Variants in ENPP6 observed in about 807,000 individuals in gnomAD.
ENPP6 encodes glycerophosphocholine cholinephosphodiesterase ENPP6.
In ENPP6, 32 loss-of-function variants were observed where a neutral mutation model predicts 42.0. The ratio of observed to expected loss-of-function variants is 0.76; its 90% CI spans 0.58 to 1.02. The LOEUF is 1.02. Ranked by LOEUF, ENPP6 falls within the 50% of genes least tolerant of loss-of-function variation. ENPP6 has a pLI of 0.00. For synonymous variants in ENPP6, 213 were observed against 216.0 expected (o/e 0.99, Z 0.12); for missense variants, 552 against 566.8 (o/e 0.97, Z 0.27).
At chr4:184,206,256 T>C (rs1452295381) in intron 1 of ENPP6, among the ~76,000 whole-genome samples, 4 of 138,720 alleles carry the variant, frequency 2.9e-5, no homozygotes, top group Non-Finnish European at 3.1e-5. Flanking sequence ...CTTGAATTTT[T>C]TTTTTTTTTT....
chr4:184,165,363 G>A (rs1033773816), intron 1 of ENPP6, among the ~76,000 whole-genome samples: 25 of 152,260 alleles, frequency 1.6e-4, no homozygotes, highest in African/African-American at 5.5e-4. Flanking sequence ...GGCTGGAGCC[G>A]CACAGCTAGG....
rs548792750 is a variant in ENPP6, at chr4:184,214,881, T to C, written c.241+2698A>G. Among the ~76,000 whole-genome samples the C allele has an allele frequency of 4.6e-5, 7 of 152,266 alleles. No homozygotes were observed. The South Asian group carries it at 8.3e-4, about 18-fold the overall frequency. On this transcript the variant is annotated intron_variant, in intron 1 of 7. Transcript: ENST00000296741. Reference sequence around the variant, plus strand: ...AGCATTAGGACAAATACCTAACGCATGCAGGGCTTAAAATCTAGATGACGA... The same window carrying C: ...AGCATTAGGACAAATACCTAACGCACGCAGGGCTTAAAATCTAGATGACGA...
At chr4:184,118,478 C>T (rs1052569915) in intron 3 of ENPP6, among the ~76,000 whole-genome samples, 3 of 152,220 alleles carry the variant, frequency 2.0e-5, no homozygotes, top group African/African-American at 7.2e-5. Context: ...CACAAACCTC[C>T]ACATCATCCA....
intron 1 of ENPP6, among the ~76,000 whole-genome samples, chr4:184,175,706 T>G (rs926950913): frequency 1.3e-5 from 2 of 151,924 alleles, no homozygotes; most frequent in African/African-American, 2.4e-5. Context: ...GAAACAGGAG[T>G]CCCACTTACA....
intron 2 of ENPP6, among the ~76,000 whole-genome samples, chr4:184,144,434 C>T (rs541847961): frequency 3.3e-4 from 50 of 152,288 alleles, no homozygotes; most frequent in African/African-American, 9.9e-4. Context: ...CAGCCCCAAA[C>T]GGCAGCCCCG....
intron 2 of ENPP6, among the ~76,000 whole-genome samples, chr4:184,127,931 A>C (rs1736532177): frequency 6.6e-6 from 1 of 152,156 alleles, no homozygotes; most frequent in African/African-American, 2.4e-5. Flanking sequence ...AAGGAAGAGA[A>C]AGCATTTTCA....
At chr4:184,183,648 T>C (rs1159199364) in intron 1 of ENPP6, among the ~76,000 whole-genome samples, 1 of 152,208 alleles carries the variant, frequency 6.6e-6, no homozygotes, top group Non-Finnish European at 1.5e-5. Flanking sequence ...TCAATTTAAG[T>C]CCCCAAGCTT....
intron 1 of ENPP6, among the ~76,000 whole-genome samples, chr4:184,156,164 C>A (rs918615502): frequency 6.6e-6 from 1 of 152,138 alleles, no homozygotes; most frequent in African/African-American, 2.4e-5. Flanking sequence ...GTGGATTGGG[C>A]CCTGAGCTGA....
intron 1 of ENPP6, among the ~76,000 whole-genome samples, chr4:184,169,361 G>A (rs1227817744): frequency 1.3e-5 from 2 of 152,124 alleles, no homozygotes; most frequent in Non-Finnish European, 2.9e-5. Context: ...GTCCCCATGT[G>A]AAGACATGGC....
rs146396866 is a variant in ENPP6, at chr4:184,149,835, G to C, written c.421+3719C>G. Among the ~76,000 whole-genome samples, 943 of 152,230 alleles carry C rather than the reference G, an allele frequency of 6.2e-3. 14 individuals are homozygous for C. Among genetic ancestry groups the C allele is most frequent in the South Asian group, 0.062 (296 of 4,812 alleles). On this transcript the variant is annotated intron_variant, in intron 2 of 7. Transcript: ENST00000296741. ...GGCCCTGCTTATCCAAAGAAATCAA[G>C]CTGCATTTCTACACCATATCTTACT...
At chr4:184,205,278 G>C (rs973435783) in intron 1 of ENPP6, among the ~76,000 whole-genome samples, 5 of 152,204 alleles carry the variant, frequency 3.3e-5, no homozygotes, top group African/African-American at 1.2e-4. Context: ...AAATAATCTG[G>C]TGCCGTGATG....
intron 3 of ENPP6, among the ~76,000 whole-genome samples, chr4:184,119,727 GC>G (rs1736383524): frequency 6.6e-6 from 1 of 152,142 alleles, no homozygotes; most frequent in African/African-American, 2.4e-5. Context: ...GGTGATTGGA[GC>G]ATGGGGGCTA....
chr4:184,161,684 T>C (rs1310370668), intron 1 of ENPP6, among the ~76,000 whole-genome samples: 1 of 152,080 alleles, frequency 6.6e-6, no homozygotes, highest in Non-Finnish European at 1.5e-5. Context: ...ATATATACCA[T>C]GGAATACTAC....
Position 184,117,755 on chromosome 4 carries a change from T to C in ENPP6, c.675+4A>G. 2 of 1,613,096 alleles carry C rather than the reference T, an allele frequency of 1.2e-6. No homozygotes were observed. The highest frequency in any genetic ancestry group is 1.1e-5 in the South Asian group (1 of 91,048). Reference sequence around the variant, plus strand: ...CCAGGCCACGTGTCTTTGCTTCAGGTCACCTGGATCCACTTGGTCATGTAC... The same window carrying C: ...CCAGGCCACGTGTCTTTGCTTCAGGCCACCTGGATCCACTTGGTCATGTAC... On this transcript the variant is annotated splice_donor_region_variant and intron_variant, in intron 4 of 7. Coordinates refer to ENST00000296741, the MANE Select transcript of ENPP6 (RefSeq NM_153343.4).
At chr4:184,164,719 A>C (rs979932385) in intron 1 of ENPP6, among the ~76,000 whole-genome samples, 1 of 152,196 alleles carries the variant, frequency 6.6e-6, no homozygotes, top group African/African-American at 2.4e-5. Context: ...AGGCCTAGGA[A>C]AGGAATTCCA....
chr4:184,188,985 A>T (rs1447034404), intron 1 of ENPP6, among the ~76,000 whole-genome samples: 1 of 152,224 alleles, frequency 6.6e-6, no homozygotes, highest in Non-Finnish European at 1.5e-5. Flanking sequence ...CCATTCTTTG[A>T]AAATGTAATT....
At chr4:184,104,037 G>A (rs1274094089) in intron 6 of ENPP6, among the ~76,000 whole-genome samples, 10 of 149,804 alleles carry the variant, frequency 6.7e-5, no homozygotes, top group South Asian at 2.1e-4. Flanking sequence ...TTTGAATCAC[G>A]TTGATTGCAG....
Position 184,184,215 on chromosome 4 carries a change from G to T in ENPP6, c.242-30482C>A, listed in dbSNP as rs750999087. Among the ~76,000 whole-genome samples, 5 of 152,174 alleles carry T rather than the reference G, an allele frequency of 3.3e-5. No individual in the cohort carries two copies. Among genetic ancestry groups the T allele is most frequent in the Non-Finnish European group, 7.3e-5 (5 of 68,036 alleles). On this transcript the variant is annotated intron_variant, in intron 1 of 7. Transcript: ENST00000296741. The surrounding 1 kb of genome is among the most constrained non-coding windows in gnomAD (Gnocchi z 4.7). ...AGAGTCAGCAGAAACGACAACCACAGATTTAGCACCAAGAGCTTTAAGTTT... is the reference window on the plus strand; with the variant it reads ...AGAGTCAGCAGAAACGACAACCACATATTTAGCACCAAGAGCTTTAAGTTT...
chr4:184,112,712 G>T lies in ENPP6; in HGVS notation c.953C>A (p.Pro318His). The change falls in exon 6 of 8, where the codon CCT becomes CAT. Residue 318 changes from proline to histidine, a missense_variant. Around this residue, in one of 2 missense-constraint regions of ENPP6, gnomAD observed 545 missense variants for 546.3 expected, o/e 1.00. Transcript: ENST00000296741. Reference protein sequence around the residue: ...FYYKKGKFVSPLTLVADEGWF... With the variant: ...FYYKKGKFVSHLTLVADEGWF... Reference sequence around the variant, plus strand: ...GCCTTCATCAGCCACTAAAGTCAAAGGAGAGACAAACTTTCCTTTCTTGTA... The same window carrying T: ...GCCTTCATCAGCCACTAAAGTCAAATGAGAGACAAACTTTCCTTTCTTGTA... 1.9e-6 allele frequency: 3 copies of T among 1,614,076 alleles called. No individual in the cohort carries two copies. The highest frequency in any genetic ancestry group is 2.5e-6 in the Non-Finnish European group (3 of 1,180,024).
Sources: allele counts gnomAD v4.1 joint callset (sites outside exome capture counted in the v4.1 genomes callset), GRCh38; gene constraint gnomAD v4.1.1; regional missense constraint gnomAD v4.1.1; non-coding constraint Gnocchi (gnomAD v3.1); transcripts MANE v1.5; gene names NCBI Gene and HGNC (gene_info 2026-07-23, HGNC 2026-07-21).